Variants in THSD7B observed in about 807,000 individuals in gnomAD.
The protein encoded by THSD7B is thrombospondin type-1 domain-containing protein 7B.
THSD7B carries 138 observed loss-of-function variants against 213.6 expected under a neutral mutation model. That is an observed-to-expected ratio of 0.65 (90% confidence interval 0.56 to 0.74). The LOEUF is 0.74. Among genes scored for constraint, THSD7B ranks in the 30% least tolerant of loss-of-function variants. The pLI, the probability that THSD7B is intolerant of heterozygous loss-of-function variation, is 0.00. For synonymous variants in THSD7B, 742 were observed against 687.0 expected (o/e 1.08, Z -1.25); for missense variants, 1,931 against 1,991.5 (o/e 0.97, Z 0.58).
intron 15 of THSD7B, among the ~76,000 whole-genome samples, chr2:137,526,222 T>C (rs1374671318): frequency 6.6e-6 from 1 of 152,070 alleles, no homozygotes; most frequent in African/African-American, 2.4e-5. Context: ...TCTAAAAGGA[T>C]TGAGCAAAAT....
chr2:137,092,994 G>A (rs1558917979), intron 3 of THSD7B, among the ~76,000 whole-genome samples: 2 of 152,156 alleles, frequency 1.3e-5, no homozygotes, highest in Non-Finnish European at 2.9e-5. Context: ...CTCTCTGTCA[G>A]TATTTGAACA....
chr2:136,971,206 A>G (rs1447795247), intron 2 of THSD7B, among the ~76,000 whole-genome samples: 1 of 152,180 alleles, frequency 6.6e-6, no homozygotes, highest in African/African-American at 2.4e-5. Context: ...ACTAGTTCCA[A>G]AAACGAGTAC....
At position 137,508,416 on chromosome 2, in the gene THSD7B, G is replaced by T. The variant is rs572728311; in HGVS notation, c.3139-54805G>T. On this transcript the variant is annotated intron_variant, in intron 15 of 27. Transcript: ENST00000409968. Reference sequence around the variant, plus strand: ...TTTTTTGAGACAGTCTCGCTGTGTCGCCCAGGCTGGAGTGCAGTGGCGGGA... The same window carrying T: ...TTTTTTGAGACAGTCTCGCTGTGTCTCCCAGGCTGGAGTGCAGTGGCGGGA... 7.5e-3 allele frequency among the ~76,000 whole-genome samples: 992 copies of T among 132,892 alleles called. 13 individuals are homozygous for T. Among genetic ancestry groups the T allele is most frequent in the African/African-American group, 0.027 (940 of 34,836 alleles). 87.2% of individuals were successfully genotyped at this position (132,892 alleles called of 152,430 possible). A position where few individuals can be genotyped will look rare whatever the true frequency, so the allele number is the denominator to read the frequency against.
At chr2:137,435,749 A>G (rs1687277317) in intron 14 of THSD7B, among the ~76,000 whole-genome samples, 2 of 152,172 alleles carry the variant, frequency 1.3e-5, no homozygotes, top group Admixed American at 1.3e-4. Flanking sequence ...ATGGATACAC[A>G]GGGAGCTAAG....
intron 20 of THSD7B, among the ~76,000 whole-genome samples, chr2:137,624,274 G>T (rs565987192): frequency 2.6e-5 from 4 of 152,312 alleles, no homozygotes; most frequent in South Asian, 2.1e-4. Context: ...TGGCCAGCCA[G>T]ATGTAGAAAG....
At chr2:137,368,319 A>G (rs1247046664) in intron 12 of THSD7B, among the ~76,000 whole-genome samples, 1 of 152,038 alleles carries the variant, frequency 6.6e-6, no homozygotes, top group Admixed American at 6.6e-5. Flanking sequence ...ATGGTAATCT[A>G]TATTTTTCTC....
chr2:137,088,423 C>T (rs1327203774), intron 3 of THSD7B, among the ~76,000 whole-genome samples: 2 of 151,594 alleles, frequency 1.3e-5, no homozygotes, highest in Non-Finnish European at 2.9e-5. Flanking sequence ...ATTGGCTAGC[C>T]ACACATAGGA....
intron 2 of THSD7B, among the ~76,000 whole-genome samples, chr2:136,972,002 A>C (rs939401238): frequency 1.3e-5 from 2 of 152,156 alleles, no homozygotes; most frequent in African/African-American, 4.8e-5. Context: ...CACAGAAAGC[A>C]AATGTACTCT....
chr2:137,331,411 T>G (rs1684503845), intron 12 of THSD7B, among the ~76,000 whole-genome samples: 1 of 152,116 alleles, frequency 6.6e-6, no homozygotes, highest in Non-Finnish European at 1.5e-5. Context: ...TCACAAACCC[T>G]GAGCTAGACA....
In THSD7B at chr2:137,646,487, CA is replaced by C. The variant is rs35479231; in HGVS notation, c.3945+3872del. 7.0e-4 allele frequency among the ~76,000 whole-genome samples: 66 copies of C among 93,740 alleles called. 2 individuals carry two copies. The highest frequency in any genetic ancestry group is 2.6e-3 in the East Asian group (7 of 2,702). The allele number at this position is 93,740 out of a possible 152,430, so 61.5% of individuals were successfully genotyped here. A position where few individuals can be genotyped will look rare whatever the true frequency, so the allele number is the denominator to read the frequency against. On this transcript the variant is annotated intron_variant, in intron 21 of 27. Coordinates refer to ENST00000409968, the MANE Select transcript of THSD7B (RefSeq NM_001316349.2). ...TGAAACCCCATCTCTACTACAAATA[CA>C]AAAAAAAAAAAAAAAAAGCTGAGTG...
chr2:137,042,797 T>A (rs911109969), intron 2 of THSD7B, among the ~76,000 whole-genome samples: 15 of 152,218 alleles, frequency 9.9e-5, no homozygotes, highest in African/African-American at 3.6e-4. Context: ...AACAAGTGAT[T>A]AATGAGCCCT....
chr2:137,273,301 A>G (rs1269589975), intron 11 of THSD7B, among the ~76,000 whole-genome samples: 1 of 152,108 alleles, frequency 6.6e-6, no homozygotes, highest in Non-Finnish European at 1.5e-5. Context: ...TTCCCTGTAT[A>G]TTCCCTCTTG....
chr2:137,110,507 A>G lies in THSD7B; in HGVS notation c.1200-4617A>G, dbSNP rs1688329284. ...CCCTTTCTCAGAGGTTTGGGGTTCA[A>G]AATGGCTGACAATGTGCTCTCTCAC... On this transcript the variant is annotated intron_variant, in intron 4 of 27. Coordinates refer to ENST00000409968, the MANE Select transcript of THSD7B (RefSeq NM_001316349.2). Among the ~76,000 whole-genome samples the G allele has an allele frequency of 2.0e-5, 3 of 152,182 alleles. No homozygotes were observed. The South Asian group carries it at 6.2e-4, about 32-fold the overall frequency.
chr2:137,649,038 TC>T (rs1354200120), intron 21 of THSD7B, among the ~76,000 whole-genome samples: 1 of 152,216 alleles, frequency 6.6e-6, no homozygotes, highest in African/African-American at 2.4e-5. Flanking sequence ...AACTTTTTTT[TC>T]ATATGGCAGT....
chr2:137,430,054 G>A (rs956351057), intron 14 of THSD7B, among the ~76,000 whole-genome samples: 5 of 151,966 alleles, frequency 3.3e-5, no homozygotes, highest in African/African-American at 1.2e-4. Context: ...ACCAGCCTGG[G>A]CAACATAAGG....
chr2:137,046,843 C>A (rs909401438), intron 2 of THSD7B, among the ~76,000 whole-genome samples: 1 of 151,594 alleles, frequency 6.6e-6, no homozygotes, highest in South Asian at 2.1e-4. Context: ...GGTGAGAAAG[C>A]AGTGAGTGGA....
chr2:137,226,649 T>C (rs1681510677), intron 7 of THSD7B, among the ~76,000 whole-genome samples: 1 of 151,782 alleles, frequency 6.6e-6, no homozygotes, highest in Non-Finnish European at 1.5e-5. Context: ...AGCCAGAGCC[T>C]ATTCATCTGG....
chr2:137,144,718 T>C (rs899614060), intron 5 of THSD7B, among the ~76,000 whole-genome samples: 2 of 151,926 alleles, frequency 1.3e-5, no homozygotes, highest in African/African-American at 4.8e-5. Context: ...TGCAACCTAA[T>C]TGGGAAGGAG....
chr2:137,488,972 A>C lies in THSD7B; in HGVS notation c.3138+37949A>C, dbSNP rs1188864277. ...CTCAGTTCTCAGATTTTAGGGATAA[A>C]GTTGAAATTTCATCTGTGCCAACAT... On this transcript the variant is annotated intron_variant, in intron 15 of 27. Transcript: ENST00000409968. Among the ~76,000 whole-genome samples the C allele has an allele frequency of 2.0e-5, 3 of 152,168 alleles. No homozygotes were observed. In the East Asian group the frequency reaches 5.8e-4, roughly 29 times the overall value.
Sources: gnomAD v4.1 joint callset for allele counts (sites outside exome capture counted in the v4.1 genomes callset) on GRCh38, gnomAD v4.1.1 for gene constraint, MANE v1.5 for transcripts, NCBI Gene and HGNC (gene_info 2026-07-23, HGNC 2026-07-21) for gene names.